Variants in CAMTA1 observed in about 807,000 individuals in gnomAD.
CAMTA1 encodes calmodulin-binding transcription activator 1.
CAMTA1 carries 27 observed loss-of-function variants against 170.9 expected under a neutral mutation model. The ratio of observed to expected loss-of-function variants is 0.16; its 90% CI spans 0.12 to 0.22. CAMTA1 has a LOEUF of 0.22. Among genes scored for constraint, CAMTA1 ranks in the 10% least tolerant of loss-of-function variants. The pLI is 1.00. For missense variants in CAMTA1, 1,619 were observed against 2,217.2 expected (o/e 0.73, Z 5.42); for synonymous variants, 833 against 891.5 (o/e 0.93, Z 1.17).
In CAMTA1 at chr1:7,505,189, G is replaced by A. The variant is rs182202690; in HGVS notation, c.510+37288G>A. On this transcript the variant is annotated intron_variant, in intron 6 of 22. Coordinates refer to ENST00000303635, the MANE Select transcript of CAMTA1 (RefSeq NM_015215.4). ...ACACATGTTTGTTGCACAGCTAGCTGGCCAGTGGCAGGAAAGGAGGCCCTG... is the reference window on the plus strand; with the variant it reads ...ACACATGTTTGTTGCACAGCTAGCTAGCCAGTGGCAGGAAAGGAGGCCCTG... 3.3e-5 allele frequency among the ~76,000 whole-genome samples: 5 copies of A among 152,374 alleles called. No individual in the cohort carries two copies. The East Asian group carries it at 9.6e-4, about 29-fold the overall frequency.
chr1:7,087,420 T>C (rs1209357320), intron 3 of CAMTA1, among the ~76,000 whole-genome samples: 1 of 152,112 alleles, frequency 6.6e-6, no homozygotes, highest in Non-Finnish European at 1.5e-5. Context: ...CTGAAGGAGA[T>C]TCAGTCTGGA....
rs1661318222 is a variant in CAMTA1 at position 7,224,318 on chromosome 1, A to G, written c.303-25173A>G. On this transcript the variant is annotated intron_variant, in intron 4 of 22. Coordinates refer to ENST00000303635, the MANE Select transcript of CAMTA1 (RefSeq NM_015215.4). The surrounding 1 kb of genome is among the most constrained non-coding windows in gnomAD (Gnocchi z 5.2). ...GGCCGAGGCGCTTGGTGAGCTTTCC[A>G]CTGGATGGCCTAAATTTGCACCGCT... Among the ~76,000 whole-genome samples the G allele has an allele frequency of 6.6e-6, 1 of 152,046 alleles. No homozygotes were observed. The highest frequency in any genetic ancestry group is 2.1e-4 in the South Asian group (1 of 4,826).
rs1193337707 is a variant in CAMTA1 at position 7,064,123 on chromosome 1, T to C, written c.235-27181T>C. 4.0e-5 allele frequency among the ~76,000 whole-genome samples: 6 copies of C among 148,734 alleles called. No individual in the cohort carries two copies. Among genetic ancestry groups the C allele is most frequent in the South Asian group, 2.2e-4 (1 of 4,640 alleles). On this transcript the variant is annotated intron_variant, in intron 3 of 22. Transcript: ENST00000303635. This position sits in a 1 kb window ranked among gnomAD's most constrained non-coding sequence, Gnocchi z 5.4. ...CCTTCTCTCCTTCCCTCCTCCTCCT[T>C]CTTCTTCTCCTCCTCCTCCTTCTCT...
chr1:7,566,572 C>T (rs935618659), intron 6 of CAMTA1, among the ~76,000 whole-genome samples: 2 of 152,098 alleles, frequency 1.3e-5, no homozygotes, highest in Non-Finnish European at 2.9e-5. Flanking sequence ...CAGGCAGCCC[C>T]AGCTCCAAGA....
intron 6 of CAMTA1, among the ~76,000 whole-genome samples, chr1:7,566,258 C>T (rs545247041): frequency 5.1e-4 from 77 of 152,320 alleles, no homozygotes; most frequent in Non-Finnish European, 9.3e-4. Context: ...CTAGACCTTT[C>T]TTTCCATTTA....
intron 1 of CAMTA1, among the ~76,000 whole-genome samples, chr1:6,788,797 G>C (rs1010642522): frequency 6.6e-6 from 1 of 152,156 alleles, no homozygotes; most frequent in Admixed American, 6.5e-5. Flanking sequence ...GACACTTGAG[G>C]TTATTGTCTG....
At chr1:7,386,768 G>GA (rs1325164367) in intron 5 of CAMTA1, among the ~76,000 whole-genome samples, 1 of 152,132 alleles carries the variant, frequency 6.6e-6, no homozygotes, top group Non-Finnish European at 1.5e-5. Flanking sequence ...AAGTCAGTAG[G>GA]AAAATGCATA....
Position 6,930,792 on chromosome 1 carries a change from G to T in CAMTA1, c.234+105582G>T, listed in dbSNP as rs567878682. The stretch of plus-strand genomic sequence containing the variant: ...AAAATGCTCATTGGCTCTGCATGAG[G>T]AGTAAGGCTCAGCCCCTGCTCTGGA... On this transcript the variant is annotated intron_variant, in intron 3 of 22. Coordinates refer to ENST00000303635, the MANE Select transcript of CAMTA1 (RefSeq NM_015215.4). Among the ~76,000 whole-genome samples, 12 of 152,324 alleles carry T rather than the reference G, an allele frequency of 7.9e-5. No homozygotes were observed. In the East Asian group the frequency reaches 1.9e-3, roughly 25 times the overall value.
intron 6 of CAMTA1, among the ~76,000 whole-genome samples, chr1:7,587,878 A>G (rs916386431): frequency 6.6e-6 from 1 of 152,116 alleles, no homozygotes; most frequent in African/African-American, 2.4e-5. Flanking sequence ...GGTCAGGCTC[A>G]GAGATGAAAT....
chr1:7,021,632 C>A (rs758931924), intron 3 of CAMTA1, among the ~76,000 whole-genome samples: 1 of 152,150 alleles, frequency 6.6e-6, no homozygotes, highest in Non-Finnish European at 1.5e-5. Flanking sequence ...GTCTTGATTG[C>A]GGTGACAGTT....
chr1:7,270,291 A>ATTTTT (rs34768255), intron 5 of CAMTA1, among the ~76,000 whole-genome samples: 1,162 of 110,462 alleles, frequency 0.011, 25 homozygotes, highest in African/African-American at 0.025. Context: ...ATATATATAT[A>ATTTTT]TTTTTTTTTT....
At chr1:6,862,574 G>C (rs141154803) in intron 3 of CAMTA1, among the ~76,000 whole-genome samples, 1 of 151,748 alleles carries the variant, frequency 6.6e-6, no homozygotes. Context: ...CCATTATTCC[G>C]CCAAACCTTC....
At chr1:7,507,605 C>T (rs566613738) in intron 6 of CAMTA1, among the ~76,000 whole-genome samples, 2 of 152,302 alleles carry the variant, frequency 1.3e-5, no homozygotes, top group African/African-American at 4.8e-5. Context: ...TCCGAGGAGC[C>T]CTGCAAGATG....
rs2095763639 is a variant in CAMTA1, at chr1:7,641,868, C to G, written c.664+1315C>G. ...ACCTTCTTAACTGCAGCCCTGACCA[C>G]ATCCCTCTCTGCTTAAAACCACTCA... is the stretch of plus-strand genomic sequence containing the variant. On this transcript the variant is annotated intron_variant, in intron 7 of 22. Coordinates refer to ENST00000303635, the MANE Select transcript of CAMTA1 (RefSeq NM_015215.4). This position sits in a 1 kb window ranked among gnomAD's most constrained non-coding sequence, Gnocchi z 4.5. 6.6e-6 allele frequency among the ~76,000 whole-genome samples: 1 copy of G among 152,156 alleles called. No individual in the cohort carries two copies. Among genetic ancestry groups the G allele is most frequent in the Non-Finnish European group, 1.5e-5 (1 of 68,006 alleles).
At chr1:6,985,615 A>C (rs1319983287) in intron 3 of CAMTA1, among the ~76,000 whole-genome samples, 1 of 152,234 alleles carries the variant, frequency 6.6e-6, no homozygotes, top group Admixed American at 6.5e-5. Flanking sequence ...TAAAACTCAA[A>C]GTTAATAGCA....
rs145146579 is a variant in CAMTA1 at position 7,620,465 on chromosome 1, G to A, written c.511-19935G>A. Among the ~76,000 whole-genome samples, 176 of 152,316 alleles carry A rather than the reference G, an allele frequency of 1.2e-3. 2 individuals are homozygous for A. Among genetic ancestry groups the A allele is most frequent in the Non-Finnish European group, 2.1e-3 (141 of 68,018 alleles). On this transcript the variant is annotated intron_variant, in intron 6 of 22. Transcript: ENST00000303635. ...GCTTACCAATGAGATGTGACTGGAA[G>A]CTGGAGAACACAGAACTGGTCTTCA... is the stretch of plus-strand genomic sequence containing the variant.
chr1:7,394,199 A>G (rs1283168336), intron 5 of CAMTA1, among the ~76,000 whole-genome samples: 2 of 152,238 alleles, frequency 1.3e-5, no homozygotes, highest in Non-Finnish European at 1.5e-5. Context: ...CTTTGGATGT[A>G]TATATTCAGT....
At chr1:6,898,880 G>C (rs1676239978) in intron 3 of CAMTA1, among the ~76,000 whole-genome samples, 1 of 151,906 alleles carries the variant, frequency 6.6e-6, no homozygotes, top group Non-Finnish European at 1.5e-5. Context: ...GGGCCCCCTG[G>C]TTTGTTTTAT....
At chr1:6,871,759 A>G in intron 3 of CAMTA1, 1 of 1,535,080 alleles carries the variant, frequency 6.5e-7, no homozygotes, top group Non-Finnish European at 8.7e-7. Flanking sequence ...TTTTGCAGAG[A>G]TCATGATGCA....
Sources: gnomAD v4.1 joint callset for allele counts (sites outside exome capture counted in the v4.1 genomes callset) on GRCh38, gnomAD v4.1.1 for gene constraint, Gnocchi (gnomAD v3.1) non-coding constraint, MANE v1.5 for transcripts, NCBI Gene and HGNC (gene_info 2026-07-23, HGNC 2026-07-21) for gene names.